ACTN4: variants seen among roughly 807,000 people sequenced by gnomAD.
The protein encoded by ACTN4 is actinin alpha 4.
In ACTN4, 18 loss-of-function variants were observed where a neutral mutation model predicts 114.2. That is an observed-to-expected ratio of 0.16 (90% CI 0.11 to 0.23). The LOEUF (loss-of-function observed/expected upper bound fraction) is 0.23, where lower values mean the gene tolerates loss of function less well. Among genes scored for constraint, ACTN4 ranks in the 10% least tolerant of loss-of-function variants. ACTN4 has a pLI of 1.00. For missense variants in ACTN4, 722 were observed against 1,262.9 expected (o/e 0.57, Z 6.49); for synonymous variants, 515 against 506.3 (o/e 1.02, Z -0.23).
At chr19:38,668,638 G>A (rs1985636) in intron 1 of ACTN4, among the ~76,000 whole-genome samples, 98,569 of 151,980 alleles carry the variant, frequency 0.65, 32,585 homozygotes, top group South Asian at 0.85. Context: ...GTGAGCCGAG[G>A]TCGTGCCACT....
rs182573774 is a variant in ACTN4, at chr19:38,671,359, A to G, written c.162+23452A>G. On this transcript the variant is annotated intron_variant, in intron 1 of 20. Transcript: ENST00000252699. ...AGCCCAAAGCAACACTTTTCTACAG[A>G]GGCAGCCATTCTGCACGCACAATAA... Among the ~76,000 whole-genome samples the G allele has an allele frequency of 1.3e-3, 196 of 152,340 alleles. 4 individuals are homozygous for G. The South Asian group carries it at 0.027, about 21-fold the overall frequency.
chr19:38,712,246 AG>A (rs35992048), intron 8 of ACTN4, among the ~76,000 whole-genome samples: 4 of 151,718 alleles, frequency 2.6e-5, no homozygotes, highest in South Asian at 2.1e-4. Context: ...TAAAACTAGA[AG>A]GGGGGGGCCG....
chr19:38,657,952 AG>A (rs1022478935), intron 1 of ACTN4, among the ~76,000 whole-genome samples: 1 of 152,212 alleles, frequency 6.6e-6, no homozygotes, highest in African/African-American at 2.4e-5. Context: ...TGTGAGTAAA[AG>A]GTATTTAGTT....
At chr19:38,680,733 G>C (rs1967539385) in intron 1 of ACTN4, among the ~76,000 whole-genome samples, 1 of 152,116 alleles carries the variant, frequency 6.6e-6, no homozygotes, top group African/African-American at 2.4e-5. Context: ...CACCAAGTTT[G>C]ATTTCTTTCC....
intron 1 of ACTN4, among the ~76,000 whole-genome samples, chr19:38,695,440 C>G (rs1340097037): frequency 6.6e-6 from 1 of 152,190 alleles, no homozygotes; most frequent in African/African-American, 2.4e-5. Flanking sequence ...AAATAGAAAC[C>G]TTGAGTTTGC....
chr19:38,684,769 C>T (rs1251807707), intron 1 of ACTN4, among the ~76,000 whole-genome samples: 1 of 152,024 alleles, frequency 6.6e-6, no homozygotes, highest in Non-Finnish European at 1.5e-5. Context: ...CTTTTCTCTT[C>T]TTTCTCTCTC....
chr19:38,730,458 T>C lies in ACTN4; in HGVS notation c.*1026T>C. 1 of 215,152 alleles carries C rather than the reference T, an allele frequency of 4.6e-6. No homozygotes were observed. 13.3% of individuals were successfully genotyped at this position (215,152 alleles called of 1,614,324 possible). ...TTTTTTTTGAGTTTATTCTGATTGATTTTTTTTCTTGGTTTCTGGATAAAC... is the reference window on the plus strand; with the variant it reads ...TTTTTTTTGAGTTTATTCTGATTGACTTTTTTTCTTGGTTTCTGGATAAAC... On this transcript the variant is annotated 3_prime_UTR_variant, in exon 21 of 21. Transcript: ENST00000252699.
chr19:38,673,474 T>TGAA (rs1491529819), intron 1 of ACTN4, among the ~76,000 whole-genome samples: 4,369 of 62,832 alleles, frequency 0.07, 276 homozygotes, highest in Non-Finnish European at 0.11. Context: ...TTTATATATA[T>TGAA]TTATATATAT....
At position 38,709,106 on chromosome 19, in the gene ACTN4, AG is replaced by A. The variant is rs200454492; in HGVS notation, c.652-286del. On this transcript the variant is annotated intron_variant, in intron 6 of 20. Coordinates refer to ENST00000252699, the MANE Select transcript of ACTN4 (RefSeq NM_004924.6). Reference sequence around the variant, plus strand: ...GGTTTTAGGGCAAGGGGCTTAAGCTAGGGTCTGTGGGTGGCTGGAAATTGTA... The same window carrying A: ...GGTTTTAGGGCAAGGGGCTTAAGCTAGGTCTGTGGGTGGCTGGAAATTGTA... 0.025 allele frequency among the ~76,000 whole-genome samples: 3,810 copies of A among 152,210 alleles called. 78 individuals carry two copies. Among genetic ancestry groups the A allele is most frequent in the Admixed American group, 0.06 (915 of 15,290 alleles).
intron 1 of ACTN4, among the ~76,000 whole-genome samples, chr19:38,679,918 T>A (rs1015135475): frequency 6.6e-6 from 1 of 152,274 alleles, no homozygotes; most frequent in Middle Eastern, 3.4e-3. Context: ...TTTCTCTGAC[T>A]CTTCTTCCTC....
At chr19:38,710,225 C>T (rs921265071) in intron 7 of ACTN4, 32 bp from the exon 8 acceptor site, 12 of 1,611,290 alleles carry the variant, frequency 7.4e-6, no homozygotes, top group South Asian at 6.6e-5. Flanking sequence ...CCGCCCTACT[C>T]GGGCAGTTTA....
At chr19:38,670,136 A>G (rs1200873465) in intron 1 of ACTN4, among the ~76,000 whole-genome samples, 1 of 152,088 alleles carries the variant, frequency 6.6e-6, no homozygotes, top group East Asian at 1.9e-4. Context: ...CCCACCATTC[A>G]GATAGGGTGG....
intron 1 of ACTN4, among the ~76,000 whole-genome samples, chr19:38,654,854 G>A (rs760705487): frequency 3.3e-5 from 5 of 152,162 alleles, no homozygotes; most frequent in Admixed American, 6.5e-5. Flanking sequence ...TTTGAACAGC[G>A]TTTACTCTGG....
rs377082312 is a variant in ACTN4, at chr19:38,718,084, A to G, written c.1291+10A>G. 3.1e-6 allele frequency: 5 copies of G among 1,602,906 alleles called. No homozygotes were observed. Among genetic ancestry groups the G allele is most frequent in the Non-Finnish European group, 4.3e-6 (5 of 1,174,694 alleles). On this transcript the variant is annotated intron_variant, in intron 11 of 20. Coordinates refer to ENST00000252699, the MANE Select transcript of ACTN4 (RefSeq NM_004924.6). ...GAGGCCTGGACTGACGGTACGGCCC[A>G]GCTCTGCCCCACTCTGCCCAGCCCC...
intron 8 of ACTN4, among the ~76,000 whole-genome samples, chr19:38,713,019 G>A (rs1175642921): frequency 6.6e-6 from 1 of 152,096 alleles, no homozygotes; most frequent in Non-Finnish European, 1.5e-5. Flanking sequence ...GAAAGTGCTG[G>A]GTCCCTGTGT....
chr19:38,678,018 C>T (rs1379554130), intron 1 of ACTN4, among the ~76,000 whole-genome samples: 7 of 152,224 alleles, frequency 4.6e-5, no homozygotes, highest in Admixed American at 2.0e-4. Flanking sequence ...TGAGCCACCG[C>T]GCCTGGCCAA....
At position 38,724,594 on chromosome 19, in the gene ACTN4, G is replaced by T. The variant is rs963133674; in HGVS notation, c.2010+29G>T. 2 of 1,612,586 alleles carry T rather than the reference G, an allele frequency of 1.2e-6. No homozygotes were observed. The highest frequency in any genetic ancestry group is 2.7e-5 in the African/African-American group (2 of 74,924). On this transcript the variant is annotated intron_variant, in intron 16 of 20. Coordinates refer to ENST00000252699, the MANE Select transcript of ACTN4 (RefSeq NM_004924.6). This position sits in a 1 kb window ranked among gnomAD's most constrained non-coding sequence, Gnocchi z 7.0. The stretch of plus-strand genomic sequence containing the variant: ...AGGCACGGCTGAGCCCCACAGAGCT[G>T]AGAAGGTTCCAAGAGAGCTCCCGTA...
intron 1 of ACTN4, among the ~76,000 whole-genome samples, chr19:38,672,547 C>A (rs1967164746): frequency 6.7e-6 from 1 of 149,986 alleles, no homozygotes; most frequent in South Asian, 2.1e-4. Context: ...TGCCAAGGTT[C>A]TATTATTTGA....
At position 38,729,472 on chromosome 19, in the gene ACTN4, G is replaced by C; in HGVS notation, c.*40G>C. On this transcript the variant is annotated 3_prime_UTR_variant, in exon 21 of 21. Coordinates refer to ENST00000252699, the MANE Select transcript of ACTN4 (RefSeq NM_004924.6). The stretch of plus-strand genomic sequence containing the variant: ...GACCCAACACCCCCGACGGCCTCCA[G>C]GAGGGGCCTGGGCAGCCCCACAGTC... 1.9e-6 allele frequency: 3 copies of C among 1,588,040 alleles called. No homozygotes were observed. The highest frequency in any genetic ancestry group is 1.1e-5 in the South Asian group (1 of 90,644).
Sources: allele counts gnomAD v4.1 joint callset (sites outside exome capture counted in the v4.1 genomes callset), GRCh38; gene constraint gnomAD v4.1.1; non-coding constraint Gnocchi (gnomAD v3.1); transcripts MANE v1.5; gene names NCBI Gene and HGNC (gene_info 2026-07-23, HGNC 2026-07-21).